Variants in XPR1 observed in about 807,000 individuals in gnomAD.
XPR1 encodes xenotropic and polytropic retrovirus receptor 1, also known as solute carrier family 53 member 1.
A neutral mutation model predicts 87.5 loss-of-function variants in XPR1; 28 were observed. The observed-to-expected ratio is 0.32, with a 90% CI of 0.24 to 0.44. The LOEUF is 0.44. Ranked by LOEUF, XPR1 falls within the 20% of genes least tolerant of loss-of-function variation. XPR1 has a pLI of 1.00. For missense variants in XPR1, 559 were observed against 862.3 expected (o/e 0.65, Z 4.41); for synonymous variants, 300 against 306.1 (o/e 0.98, Z 0.21).
In XPR1 at chr1:180,836,634, C is replaced by T; in HGVS notation, c.1419C>T (p.Ala473=). 1 of 1,614,164 alleles carries T rather than the reference C, an allele frequency of 6.2e-7. No homozygotes were observed. Residue 473 remains alanine, a synonymous_variant, in exon 11 of 15, where the codon GCC becomes GCT. Transcript: ENST00000367590. ...GCCGATATCGAGACACAAAAAGGGC[C>T]TTTCCTCATTTAGTTAATGCTGGCA... ...CLRRYRDTKR[A]FPHLVNAGKY...
At chr1:180,666,057 A>G (rs1655950018) in intron 1 of XPR1, among the ~76,000 whole-genome samples, 1 of 152,152 alleles carries the variant, frequency 6.6e-6, no homozygotes, top group African/African-American at 2.4e-5. Flanking sequence ...ATTTGTTGAA[A>G]AGACTGTTTT....
intron 2 of XPR1, among the ~76,000 whole-genome samples, chr1:180,690,385 G>A (rs1316899110): frequency 6.6e-6 from 1 of 152,098 alleles, no homozygotes; most frequent in East Asian, 1.9e-4. Context: ...TTTCTGTGTT[G>A]AACAGTATCT....
At chr1:180,653,190 T>C (rs144965348) in intron 1 of XPR1, among the ~76,000 whole-genome samples, 6 of 152,260 alleles carry the variant, frequency 3.9e-5, no homozygotes, top group African/African-American at 1.4e-4. Context: ...AATATTCTGA[T>C]TGTACAGATA....
At chr1:180,819,018 T>C (rs1193711004) in intron 7 of XPR1, among the ~76,000 whole-genome samples, 1 of 152,186 alleles carries the variant, frequency 6.6e-6, no homozygotes, top group African/African-American at 2.4e-5. Context: ...GGCCCCATCC[T>C]AGCTCACTAC....
At chr1:180,708,382 A>G (rs1657628618) in intron 2 of XPR1, among the ~76,000 whole-genome samples, 1 of 152,208 alleles carries the variant, frequency 6.6e-6, no homozygotes, top group Non-Finnish European at 1.5e-5. Flanking sequence ...AATTTTGGAG[A>G]TAATAGTGAT....
chr1:180,713,650 CTT>C, intron 2 of XPR1, among the ~76,000 whole-genome samples: 1 of 152,162 alleles, frequency 6.6e-6, no homozygotes, highest in Non-Finnish European at 1.5e-5. Flanking sequence ...TAGCTTTTCT[CTT>C]TTAGTTTGTT....
intron 11 of XPR1, among the ~76,000 whole-genome samples, chr1:180,852,864 G>T (rs1345604538): frequency 6.6e-6 from 1 of 152,102 alleles, no homozygotes; most frequent in African/African-American, 2.4e-5. Context: ...TGATTGTTCT[G>T]CTTTATTATT....
intron 1 of XPR1, among the ~76,000 whole-genome samples, chr1:180,660,417 G>A (rs1246135954): frequency 6.6e-6 from 1 of 151,660 alleles, no homozygotes; most frequent in Non-Finnish European, 1.5e-5. Flanking sequence ...TCTTGCTTTT[G>A]TAGTTCTTTA....
chr1:180,823,165 C>T (rs778397482), intron 7 of XPR1, among the ~76,000 whole-genome samples: 4 of 150,868 alleles, frequency 2.7e-5, no homozygotes, highest in African/African-American at 9.8e-5. Context: ...CGCTTGAACG[C>T]GGGAGGCAGA....
At chr1:180,857,052 A>G (rs1254199739) in intron 11 of XPR1, among the ~76,000 whole-genome samples, 1 of 152,254 alleles carries the variant, frequency 6.6e-6, no homozygotes, top group Non-Finnish European at 1.5e-5. Flanking sequence ...TAAATGTAAA[A>G]GTGATAACAT....
chr1:180,763,633 T>C (rs758467014), intron 2 of XPR1, among the ~76,000 whole-genome samples: 11 of 152,228 alleles, frequency 7.2e-5, no homozygotes, highest in Non-Finnish European at 1.5e-4. Context: ...AAAGTGCCCA[T>C]ATGTGACATG....
At chr1:180,839,118 T>C (rs778329376) in intron 11 of XPR1, among the ~76,000 whole-genome samples, 3 of 152,192 alleles carry the variant, frequency 2.0e-5, no homozygotes, top group Non-Finnish European at 4.4e-5. Context: ...TATCCCACAG[T>C]TTTATGAGTT....
At chr1:180,734,156 C>T (rs1451898306) in intron 2 of XPR1, among the ~76,000 whole-genome samples, 1 of 152,092 alleles carries the variant, frequency 6.6e-6, no homozygotes, top group Non-Finnish European at 1.5e-5. Flanking sequence ...TAGTGTTGGA[C>T]ATGTTAAGTT....
chr1:180,656,578 TG>T (rs1655528772), intron 1 of XPR1, among the ~76,000 whole-genome samples: 4 of 56,862 alleles, frequency 7.0e-5, no homozygotes, highest in African/African-American at 5.6e-5. Flanking sequence ...ATTTTATATA[TG>T]TATGTATAAT....
At position 180,681,082 on chromosome 1, in the gene XPR1, G is replaced by A. The variant is rs187935456; in HGVS notation, c.70-1278G>A. On this transcript the variant is annotated intron_variant, in intron 1 of 14. Coordinates refer to ENST00000367590, the MANE Select transcript of XPR1 (RefSeq NM_004736.4). ...AGGGAAGAGGGCAGGTCAGAGGATA[G>A]GGAGAGATTTGTTAAAGGATATAGA... Among the ~76,000 whole-genome samples, 281 of 152,268 alleles carry A rather than the reference G, an allele frequency of 1.8e-3. 1 individual carries two copies. Among genetic ancestry groups the A allele is most frequent in the Non-Finnish European group, 2.4e-3 (166 of 68,020 alleles).
chr1:180,656,444 A>ATATATATATATTATAT (rs71121042), intron 1 of XPR1, among the ~76,000 whole-genome samples: 7 of 858 alleles, frequency 8.2e-3, no homozygotes, highest in South Asian at 0.045. Context: ...TTTATATATA[A>ATATATATATATTATAT]ATATTTATAT....
At chr1:180,660,344 T>C (rs1655723918) in intron 1 of XPR1, among the ~76,000 whole-genome samples, 1 of 152,074 alleles carries the variant, frequency 6.6e-6, no homozygotes, top group African/African-American at 2.4e-5. Context: ...TATTTTAATT[T>C]CATTTATTTC....
At chr1:180,882,835 CT>C (rs2102229527) in intron 14 of XPR1, among the ~76,000 whole-genome samples, 1 of 152,348 alleles carries the variant, frequency 6.6e-6, no homozygotes, top group South Asian at 2.1e-4. Flanking sequence ...AGAGAAATAA[CT>C]GTTATGCCTC....
chr1:180,658,557 T>C (rs905497462), intron 1 of XPR1, among the ~76,000 whole-genome samples: 2 of 152,114 alleles, frequency 1.3e-5, no homozygotes, highest in African/African-American at 4.8e-5. Context: ...ATATGGTTTT[T>C]TTTTGTTTGG....
Sources: allele counts gnomAD v4.1 joint callset (sites outside exome capture counted in the v4.1 genomes callset), GRCh38; gene constraint gnomAD v4.1.1; transcripts MANE v1.5; gene names NCBI Gene and HGNC (gene_info 2026-07-23, HGNC 2026-07-21).